Variants in KCTD10 observed in about 807,000 individuals in gnomAD.
KCTD10 encodes potassium channel tetramerization domain containing 10.
KCTD10 carries 13 observed loss-of-function variants against 34.6 expected under a neutral mutation model. The ratio of observed to expected loss-of-function variants is 0.38; its 90% CI spans 0.24 to 0.60. The LOEUF is 0.60. Among genes scored for constraint, KCTD10 ranks in the 20% least tolerant of loss-of-function variants. The pLI is 0.66. For synonymous variants in KCTD10, 156 were observed against 168.8 expected (o/e 0.92, Z 0.59); for missense variants, 256 against 420.3 (o/e 0.61, Z 3.42).
chr12:109,466,597 G>C (rs938773822), intron 2 of KCTD10, among the ~76,000 whole-genome samples: 8 of 151,888 alleles, frequency 5.3e-5, no homozygotes, highest in African/African-American at 1.9e-4. Context: ...GTTCTTCTTG[G>C]TTTAGGAGTT....
chr12:109,467,611 G>A (rs1873652913), intron 2 of KCTD10, among the ~76,000 whole-genome samples: 1 of 152,104 alleles, frequency 6.6e-6, no homozygotes, highest in African/African-American at 2.4e-5. Flanking sequence ...GACAGAGAAA[G>A]ACCCTGTCTC....
intron 1 of KCTD10, among the ~76,000 whole-genome samples, chr12:109,473,333 AGGC>A (rs1195507404): frequency 1.3e-5 from 2 of 152,178 alleles, no homozygotes; most frequent in African/African-American, 2.4e-5. Context: ...CCTGTGCATA[AGGC>A]CCCAGCCCTA....
intron 1 of KCTD10, chr12:109,470,036 T>C: frequency 8.5e-7 from 1 of 1,176,302 alleles, no homozygotes; most frequent in Non-Finnish European, 1.1e-6. Context: ...CCTCATACAC[T>C]GACCCTGCCT....
chr12:109,461,848 G>A (rs766978011), intron 2 of KCTD10, among the ~76,000 whole-genome samples: 6 of 152,232 alleles, frequency 3.9e-5, no homozygotes, highest in East Asian at 1.9e-4. Context: ...CTCCTGCCAC[G>A]CATTACAGGT....
chr12:109,473,778 CCTG>C (rs1329903669), intron 1 of KCTD10, among the ~76,000 whole-genome samples: 4 of 147,772 alleles, frequency 2.7e-5, no homozygotes, highest in African/African-American at 7.5e-5. Flanking sequence ...CTACTGGAAT[CCTG>C]CTTTTTTTTT....
Position 109,450,738 on chromosome 12 carries a change from C to CT in KCTD10, c.*856_*857insA, listed in dbSNP as rs1872730823. 5.5e-6 allele frequency: 1 copy of CT among 181,426 alleles called. No homozygotes were observed. The highest frequency in any genetic ancestry group is 1.1e-5 in the Non-Finnish European group (1 of 87,504). The allele number at this position is 181,426 out of a possible 1,614,324, so 11.2% of individuals were successfully genotyped here. A position where few individuals can be genotyped will look rare whatever the true frequency, so the allele number is the denominator to read the frequency against. On this transcript the variant is annotated 3_prime_UTR_variant, in exon 7 of 7. Transcript: ENST00000228495. ...TTATGAGCTATGCCTGTCACAGGGTCAGATGGCCTTCCTGGAGTGGAGTCG... is the reference window on the plus strand; with the variant it reads ...TTATGAGCTATGCCTGTCACAGGGTCTAGATGGCCTTCCTGGAGTGGAGTCG...
At chr12:109,454,462 C>T (rs1872923964) in intron 6 of KCTD10, among the ~76,000 whole-genome samples, 1 of 152,214 alleles carries the variant, frequency 6.6e-6, no homozygotes, top group Non-Finnish European at 1.5e-5. Flanking sequence ...GGTGCAGTGG[C>T]TCATGCCTGT....
chr12:109,451,898 A>G lies in KCTD10; in HGVS notation c.724-85T>C. On this transcript the variant is annotated intron_variant, in intron 6 of 6. Transcript: ENST00000228495. The surrounding 1 kb of genome is among the most constrained non-coding windows in gnomAD (Gnocchi z 5.0). ...GGACTTTAAGCAGGGCCGCCAGGCTAAATCAGGCCCCTGGGATTCTGCTGA... is the reference window on the plus strand; with the variant it reads ...GGACTTTAAGCAGGGCCGCCAGGCTGAATCAGGCCCCTGGGATTCTGCTGA... 9.4e-7 allele frequency: 1 copy of G among 1,061,350 alleles called. No homozygotes were observed. 65.7% of individuals were successfully genotyped at this position (1,061,350 alleles called of 1,614,324 possible).
At position 109,469,605 on chromosome 12, in the gene KCTD10, A is replaced by G; in HGVS notation, c.127T>C (p.Tyr43His). ...YVKLNVGGALYYTTMQTLTKQ... is the reference protein window; with the variant it reads ...YVKLNVGGALHYTTMQTLTKQ... ...GTCAGCGTCTGCATGGTGGTATAGTAGAGGGCTCCACCCACATTCAGCTTC... is the reference window on the plus strand; with the variant it reads ...GTCAGCGTCTGCATGGTGGTATAGTGGAGGGCTCCACCCACATTCAGCTTC... The change falls in exon 2 of 7, where the codon TAC becomes CAC. Residue 43 changes from tyrosine to histidine, a missense_variant. By Grantham distance (83) the Tyr-to-His change is moderately conservative (BLOSUM62 2). This residue lies in a region of KCTD10 where 155 missense variants were observed against 207.0 expected (regional missense o/e 0.75). Transcript: ENST00000228495. The G allele has an allele frequency of 6.2e-7, 1 of 1,614,210 alleles. No individual in the cohort carries two copies. The highest frequency in any genetic ancestry group is 1.1e-5 in the South Asian group (1 of 91,092).
chr12:109,463,702 C>T (rs1873459119), intron 2 of KCTD10, among the ~76,000 whole-genome samples: 1 of 152,294 alleles, frequency 6.6e-6, no homozygotes, highest in Middle Eastern at 3.4e-3. Flanking sequence ...TGTTGGAAAC[C>T]CAGCTCTGAT....
intron 2 of KCTD10, among the ~76,000 whole-genome samples, chr12:109,461,936 T>C (rs755445008): frequency 6.6e-6 from 1 of 152,154 alleles, no homozygotes; most frequent in Non-Finnish European, 1.5e-5. Flanking sequence ...TCCTCCCCAC[T>C]TTGGGAGAAG....
chr12:109,469,828 C>T (rs545954736), intron 1 of KCTD10, 100 bp from the exon 2 acceptor site: 25 of 1,517,540 alleles, frequency 1.6e-5, no homozygotes, highest in African/African-American at 2.8e-5. Context: ...GCTTGGGCCA[C>T]GCATACACAG....
chr12:109,454,280 C>T (rs1328404684), intron 6 of KCTD10, among the ~76,000 whole-genome samples: 1 of 152,204 alleles, frequency 6.6e-6, no homozygotes, highest in Non-Finnish European at 1.5e-5. Flanking sequence ...AGGGCCAATG[C>T]TCTTAGAGCA....
chr12:109,466,162 A>C (rs1566057065), intron 2 of KCTD10, among the ~76,000 whole-genome samples: 1 of 152,140 alleles, frequency 6.6e-6, no homozygotes, highest in Non-Finnish European at 1.5e-5. Context: ...CCTTGGGGGT[A>C]GTGTGGAACT....
At chr12:109,464,946 C>A (rs1873520960) in intron 2 of KCTD10, 1 of 441,480 alleles carries the variant, frequency 2.3e-6, no homozygotes, top group African/African-American at 2.0e-5. Context: ...AACTCTAGGG[C>A]TGAGCTCCCA....
chr12:109,451,484 T>C lies in KCTD10; in HGVS notation c.*111A>G. The C allele has an allele frequency of 9.9e-7, 1 of 1,005,194 alleles. No individual in the cohort carries two copies. Among genetic ancestry groups the C allele is most frequent in the Non-Finnish European group, 1.5e-6 (1 of 689,554 alleles). 62.3% of individuals were successfully genotyped at this position (1,005,194 alleles called of 1,614,324 possible). A position where few individuals can be genotyped will look rare whatever the true frequency, so the allele number is the denominator to read the frequency against. On this transcript the variant is annotated 3_prime_UTR_variant, in exon 7 of 7. Transcript: ENST00000228495. This position sits in a 1 kb window ranked among gnomAD's most constrained non-coding sequence, Gnocchi z 5.0. ...AATCATCTGGCTTGTTACAAAAGTA[T>C]CTCCAGGCTCCAAGGGAAGCAGAAG...
At position 109,451,700 on chromosome 12, in the gene KCTD10, C is replaced by T. The variant is rs200010361; in HGVS notation, c.837G>A (p.Ala279=). 8.5e-5 allele frequency: 137 copies of T among 1,613,876 alleles called. 1 individual carries two copies. The East Asian group carries it at 1.3e-3, about 16-fold the overall frequency. ...NALLEATGGA[A]GRSHHLDEDE... is the part of the protein sequence containing the mutation. ...CCTCGTCCAGGTGGTGGGAGCGCCC[C>T]GCCGCCCCGCCTGTGGCCTCCAGGA... Residue 279 remains alanine (A), a synonymous_variant, in exon 7 of 7, where the codon GCG becomes GCA. Coordinates refer to ENST00000228495, the MANE Select transcript of KCTD10 (RefSeq NM_031954.5). This position sits in a 1 kb window ranked among gnomAD's most constrained non-coding sequence, Gnocchi z 5.0.
intron 1 of KCTD10, chr12:109,470,018 C>G (rs1032589604): frequency 1.6e-6 from 2 of 1,228,778 alleles, no homozygotes; most frequent in African/African-American, 1.5e-5. Context: ...CAAAACCCAC[C>G]CAAAAAGCCT....
chr12:109,467,479 G>C (rs1412590276), intron 2 of KCTD10, among the ~76,000 whole-genome samples: 1 of 152,128 alleles, frequency 6.6e-6, no homozygotes, highest in Non-Finnish European at 1.5e-5. Context: ...AAAATTAGCT[G>C]TGTTTGGTGG....
Sources: gnomAD v4.1 joint callset for allele counts (sites outside exome capture counted in the v4.1 genomes callset) on GRCh38, gnomAD v4.1.1 for gene constraint, gnomAD v4.1.1 regional missense constraint, Gnocchi (gnomAD v3.1) non-coding constraint, MANE v1.5 for transcripts, NCBI Gene and HGNC (gene_info 2026-07-23, HGNC 2026-07-21) for gene names.